SCN4B: variants seen among roughly 807,000 people sequenced by gnomAD.
The protein encoded by SCN4B is sodium voltage-gated channel beta subunit 4, also known as sodium channel regulatory subunit beta-4.
In SCN4B, 20 loss-of-function variants were observed where a neutral mutation model predicts 19.6. The observed-to-expected ratio is 1.02, with a 90% confidence interval of 0.72 to 1.48. SCN4B has a LOEUF of 1.48. Ranked by LOEUF, SCN4B falls within the 40% of genes most tolerant of loss-of-function variation. The probability of loss-of-function intolerance (pLI) is 0.00; values close to 1 mark genes in which losing one functional copy is unlikely to be tolerated. For missense variants in SCN4B, 271 were observed against 287.5 expected (o/e 0.94, Z 0.42); for synonymous variants, 127 against 122.8 (o/e 1.03, Z -0.22).
chr11:118,145,194 C>G lies in SCN4B; in HGVS notation c.97G>C (p.Val33Leu). The change falls in exon 2 of 5, where the codon GTG becomes CTG. Residue 33 changes from valine (V) to leucine (L), a missense_variant. By Grantham distance (32) the Val-to-Leu change is conservative (BLOSUM62 1). Coordinates refer to ENST00000324727, the MANE Select transcript of SCN4B (RefSeq NM_174934.4). ...ATGTCGGTGGCCTTTCCCACAGACA[C>G]CTCCAGCGACAGGGTTACGGGGAGC... ...FLLPVTLSLE[V>L]SVGKATDIYA... The G allele has an allele frequency of 6.3e-7, 1 of 1,599,860 alleles. No individual in the cohort carries two copies.
At chr11:118,150,902 A>G (rs965860775) in intron 1 of SCN4B, among the ~76,000 whole-genome samples, 5 of 152,214 alleles carry the variant, frequency 3.3e-5, no homozygotes, top group Non-Finnish European at 7.3e-5. Flanking sequence ...GGCAGGGGAC[A>G]GAGCAGATGA....
Position 118,133,485 on chromosome 11 carries a change from A to G in SCN4B, c.*3542T>C. 2.2e-6 allele frequency: 1 copy of G among 454,110 alleles called. No homozygotes were observed. The highest frequency in any genetic ancestry group is 1.6e-5 in the South Asian group (1 of 64,478). 28.1% of individuals were successfully genotyped at this position (454,110 alleles called of 1,614,324 possible). A position where few individuals can be genotyped will look rare whatever the true frequency, so the allele number is the denominator to read the frequency against. Reference sequence around the variant, plus strand: ...TTATATCCGTTCTGTGCTCGAACACAAGTCAGTGCTGGCTGTGTGGGCATC... The same window carrying G: ...TTATATCCGTTCTGTGCTCGAACACGAGTCAGTGCTGGCTGTGTGGGCATC... On this transcript the variant is annotated 3_prime_UTR_variant, in exon 5 of 5. Transcript: ENST00000324727.
At position 118,144,033 on chromosome 11, in the gene SCN4B, T is replaced by G; in HGVS notation, c.263A>C (p.Lys88Thr). The change falls in exon 3 of 5, where the codon AAG (lysine) becomes ACG (threonine). Residue 88 changes from lysine to threonine, a missense_variant. Transcript: ENST00000324727. ...TTTCAACGTCACCTTGGGGTCAGACTTCTCATTCTTCACAGTCCCCTCTAT... is the reference window on the plus strand; with the variant it reads ...TTTCAACGTCACCTTGGGGTCAGACGTCTCATTCTTCACAGTCCCCTCTAT... ...ILIEGTVKNE[K>T]SDPKVTLKDD... 2.5e-6 allele frequency: 4 copies of G among 1,613,842 alleles called. No individual in the cohort carries two copies. Among genetic ancestry groups the G allele is most frequent in the Non-Finnish European group, 3.4e-6 (4 of 1,179,746 alleles).
chr11:118,145,576 G>A (rs1377956049), intron 1 of SCN4B: 2 of 806,426 alleles, frequency 2.5e-6, no homozygotes, highest in African/African-American at 3.6e-5. Flanking sequence ...GCCTGGAAGC[G>A]CTCCTGCCGC....
At position 118,134,666 on chromosome 11, in the gene SCN4B, A is replaced by C. The variant is rs1180092715; in HGVS notation, c.*2361T>G. On this transcript the variant is annotated 3_prime_UTR_variant, in exon 5 of 5. Coordinates refer to ENST00000324727, the MANE Select transcript of SCN4B (RefSeq NM_174934.4). ...ATATTGCAAAGACTAAATAATTCCA[A>C]GGGGGGTGGGATGGAAAGAAAGAGA... is the stretch of plus-strand genomic sequence containing the variant. The C allele has an allele frequency of 2.2e-6, 1 of 454,018 alleles. No individual in the cohort carries two copies. Among genetic ancestry groups the C allele is most frequent in the East Asian group, 6.9e-5 (1 of 14,394 alleles). 28.1% of individuals were successfully genotyped at this position (454,018 alleles called of 1,614,324 possible). A position where few individuals can be genotyped will look rare whatever the true frequency, so the allele number is the denominator to read the frequency against.
Position 118,148,728 on chromosome 11 carries a change from A to G in SCN4B, c.62-3499T>C, listed in dbSNP as rs1482614409. Reference sequence around the variant, plus strand: ...GCACCCCTAGCTTCCCTGAATAACCAGTGTCAGCCAAGAATGTCTCCAGGC... The same window carrying G: ...GCACCCCTAGCTTCCCTGAATAACCGGTGTCAGCCAAGAATGTCTCCAGGC... On this transcript the variant is annotated intron_variant, in intron 1 of 4. Transcript: ENST00000324727. The surrounding 1 kb of genome is among the most constrained non-coding windows in gnomAD (Gnocchi z 4.0). 6.6e-6 allele frequency among the ~76,000 whole-genome samples: 1 copy of G among 152,218 alleles called. No individual in the cohort carries two copies. Among genetic ancestry groups the G allele is most frequent in the Non-Finnish European group, 1.5e-5 (1 of 68,026 alleles).
In SCN4B at chr11:118,136,037, T is replaced by TGGG. The variant is rs5795117; in HGVS notation, c.*987_*989dup. On this transcript the variant is annotated 3_prime_UTR_variant, in exon 5 of 5. Transcript: ENST00000324727. The stretch of plus-strand genomic sequence containing the variant: ...GGGCAGGGCGTGATGGAGGGCACGG[T>TGGG]GGGGGGGGGGGAGCGAGCCAATGGG... 7.4e-4 allele frequency: 268 copies of TGGG among 361,804 alleles called. No individual in the cohort carries two copies. The highest frequency in any genetic ancestry group is 4.6e-3 in the Admixed American group (152 of 32,958). 22.4% of individuals were successfully genotyped at this position (361,804 alleles called of 1,614,324 possible). A position where few individuals can be genotyped will look rare whatever the true frequency, so the allele number is the denominator to read the frequency against.
intron 2 of SCN4B, among the ~76,000 whole-genome samples, chr11:118,144,718 C>T (rs1303272927): frequency 1.3e-5 from 2 of 152,150 alleles, no homozygotes; most frequent in African/African-American, 4.8e-5. Flanking sequence ...CTTCTCATTC[C>T]TTCTCTCCAA....
At chr11:118,137,626 G>A (rs1417375310) in intron 4 of SCN4B, among the ~76,000 whole-genome samples, 1 of 152,142 alleles carries the variant, frequency 6.6e-6, no homozygotes, top group Non-Finnish European at 1.5e-5. Context: ...AGCTGAGATC[G>A]TGCCACTGCA....
Position 118,134,619 on chromosome 11 carries a change from A to C in SCN4B, c.*2408T>G, listed in dbSNP as rs1323931721. The C allele has an allele frequency of 2.2e-6, 1 of 454,150 alleles. No individual in the cohort carries two copies. Among genetic ancestry groups the C allele is most frequent in the East Asian group, 6.9e-5 (1 of 14,398 alleles). The allele number at this position is 454,150 out of a possible 1,614,324, so 28.1% of individuals were successfully genotyped here. A position where few individuals can be genotyped will look rare whatever the true frequency, so the allele number is the denominator to read the frequency against. ...CAAAAGCCATGGACAAGAAGCTTTA[A>C]GCATCAGAGTCAAGGTTTCTAATAT... On this transcript the variant is annotated 3_prime_UTR_variant, in exon 5 of 5. Coordinates refer to ENST00000324727, the MANE Select transcript of SCN4B (RefSeq NM_174934.4).
At chr11:118,147,751 A>T (rs1293929407) in intron 1 of SCN4B, among the ~76,000 whole-genome samples, 3 of 152,172 alleles carry the variant, frequency 2.0e-5, no homozygotes, top group African/African-American at 7.2e-5. Flanking sequence ...GGAAGCTGTC[A>T]GACAAGGCAG....
chr11:118,137,688 A>C (rs1948036373), intron 4 of SCN4B, among the ~76,000 whole-genome samples: 1 of 152,080 alleles, frequency 6.6e-6, no homozygotes, highest in African/African-American at 2.4e-5. Context: ...GAAAAAAAGA[A>C]AGTTCTCAAT....
intron 1 of SCN4B, among the ~76,000 whole-genome samples, chr11:118,145,998 C>T (rs1280458511): frequency 6.6e-6 from 1 of 151,848 alleles, no homozygotes; most frequent in African/African-American, 2.4e-5. Context: ...GCGGGCGCAG[C>T]CAGGGTGGGA....
chr11:118,136,040 G>GGA lies in SCN4B; in HGVS notation c.*986_*987insTC, dbSNP rs1555096119. ...CAGGGCGTGATGGAGGGCACGGTGG[G>GGA]GGGGGGGGAGCGAGCCAATGGGAGG... is the stretch of plus-strand genomic sequence containing the variant. On this transcript the variant is annotated 3_prime_UTR_variant, in exon 5 of 5. Coordinates refer to ENST00000324727, the MANE Select transcript of SCN4B (RefSeq NM_174934.4). The GGA allele has an allele frequency of 4.6e-6, 2 of 434,836 alleles. No individual in the cohort carries two copies. The highest frequency in any genetic ancestry group is 4.1e-5 in the African/African-American group (2 of 49,200). The allele number at this position is 434,836 out of a possible 1,614,324, so 26.9% of individuals were successfully genotyped here. A position where few individuals can be genotyped will look rare whatever the true frequency, so the allele number is the denominator to read the frequency against.
chr11:118,135,469 A>T lies in SCN4B; in HGVS notation c.*1558T>A, dbSNP rs1947981500. 2 of 453,980 alleles carry T rather than the reference A, an allele frequency of 4.4e-6. No individual in the cohort carries two copies. Among genetic ancestry groups the T allele is most frequent in the Admixed American group, 4.7e-5 (2 of 42,552 alleles). The allele number at this position is 453,980 out of a possible 1,614,324, so 28.1% of individuals were successfully genotyped here. A position where few individuals can be genotyped will look rare whatever the true frequency, so the allele number is the denominator to read the frequency against. ...AATCAGTAAGGGAGAGAGGGATTGG[A>T]AGTAGATGGGCAGAGAGGCTTGTTA... On this transcript the variant is annotated 3_prime_UTR_variant, in exon 5 of 5. Transcript: ENST00000324727.
At chr11:118,147,997 T>G (rs1216777029) in intron 1 of SCN4B, among the ~76,000 whole-genome samples, 2 of 152,294 alleles carry the variant, frequency 1.3e-5, no homozygotes, top group East Asian at 3.9e-4. Flanking sequence ...AAAAGATGGG[T>G]CCAGAAGAGA....
intron 1 of SCN4B, among the ~76,000 whole-genome samples, chr11:118,152,381 A>G (rs1005389886): frequency 3.9e-5 from 6 of 152,122 alleles, no homozygotes; most frequent in South Asian, 2.1e-4. Context: ...AAGGACAGCA[A>G]AAAAACTAAT....
At chr11:118,140,814 C>G (rs2135501089) in intron 4 of SCN4B, among the ~76,000 whole-genome samples, 1 of 152,308 alleles carries the variant, frequency 6.6e-6, no homozygotes, top group East Asian at 1.9e-4. Flanking sequence ...AGAGTTTTCT[C>G]ATTTTAGAGT....
Position 118,133,530 on chromosome 11 carries a change from C to G in SCN4B, c.*3497G>C, listed in dbSNP as rs760330337. On this transcript the variant is annotated 3_prime_UTR_variant, in exon 5 of 5. Coordinates refer to ENST00000324727, the MANE Select transcript of SCN4B (RefSeq NM_174934.4). Reference sequence around the variant, plus strand: ...GGCATCTGCGCCTCCCAGAGGCACTCGCACACCTGAGGCCTCCCAAGGCCT... The same window carrying G: ...GGCATCTGCGCCTCCCAGAGGCACTGGCACACCTGAGGCCTCCCAAGGCCT... 2 of 454,178 alleles carry G rather than the reference C, an allele frequency of 4.4e-6. No individual in the cohort carries two copies. Among genetic ancestry groups the G allele is most frequent in the Non-Finnish European group, 8.8e-6 (2 of 226,812 alleles). The allele number at this position is 454,178 out of a possible 1,614,324, so 28.1% of individuals were successfully genotyped here. A position where few individuals can be genotyped will look rare whatever the true frequency, so the allele number is the denominator to read the frequency against.
Sources: gnomAD v4.1 joint callset for allele counts (sites outside exome capture counted in the v4.1 genomes callset) on GRCh38, gnomAD v4.1.1 for gene constraint, Gnocchi (gnomAD v3.1) non-coding constraint, MANE v1.5 for transcripts, NCBI Gene and HGNC (gene_info 2026-07-23, HGNC 2026-07-21) for gene names.